The following LRIG1 variants were observed in gnomAD, a reference collection of about 807,000 sequenced individuals.
LRIG1 encodes leucine-rich repeats and immunoglobulin-like domains protein 1.
In LRIG1, 48 loss-of-function variants were observed where a neutral mutation model predicts 99.2. That is an observed-to-expected ratio of 0.48 (90% CI 0.38 to 0.62). The LOEUF (loss-of-function observed/expected upper bound fraction) is 0.62, where lower values mean the gene tolerates loss of function less well. Ranked by LOEUF, LRIG1 falls within the 20% of genes least tolerant of loss-of-function variation. LRIG1 has a pLI of 0.00. For synonymous variants in LRIG1, 772 were observed against 596.1 expected (o/e 1.29, Z -4.30); for missense variants, 1,646 against 1,434.4 (o/e 1.15, Z -2.38).
intron 1 of LRIG1, among the ~76,000 whole-genome samples, chr3:66,474,672 C>T (rs1700678505): frequency 6.6e-6 from 1 of 152,146 alleles, no homozygotes; most frequent in African/African-American, 2.4e-5. Context: ...TGGCTGGGTG[C>T]ATCACCCCAC....
intron 3 of LRIG1, among the ~76,000 whole-genome samples, chr3:66,434,701 C>T (rs1023671851): frequency 6.7e-6 from 1 of 149,822 alleles, no homozygotes; most frequent in Admixed American, 6.7e-5. Context: ...GAGCAGAAAT[C>T]ATGCCACTGC....
intron 1 of LRIG1, 96 bp downstream of exon 1, chr3:66,500,094 C>T: frequency 4.2e-6 from 4 of 957,346 alleles, no homozygotes; most frequent in Non-Finnish European, 6.1e-6. Context: ...ACACACAACC[C>T]AGTCCGCACC....
chr3:66,443,810 T>C (rs987685340), intron 3 of LRIG1, among the ~76,000 whole-genome samples: 2 of 152,342 alleles, frequency 1.3e-5, no homozygotes, highest in Non-Finnish European at 2.9e-5. Context: ...GTCTCCACCA[T>C]GAACCAGCTG....
intron 3 of LRIG1, among the ~76,000 whole-genome samples, chr3:66,443,359 TGAGTGAGGGG>T (rs1272108276): frequency 1.7e-5 from 2 of 117,434 alleles, no homozygotes; most frequent in African/African-American, 3.2e-5. Flanking sequence ...GGGCGGGGGA[TGAGTGAGGGG>T]GTGTGTGTGT....
intron 12 of LRIG1, among the ~76,000 whole-genome samples, chr3:66,392,054 A>C (rs542048298): frequency 1.2e-4 from 18 of 152,286 alleles, no homozygotes; most frequent in African/African-American, 4.3e-4. Context: ...GAATCATATA[A>C]TCTAATGGTC....
At chr3:66,455,892 A>C (rs1208086096) in intron 2 of LRIG1, among the ~76,000 whole-genome samples, 1 of 152,250 alleles carries the variant, frequency 6.6e-6, no homozygotes. Flanking sequence ...AAAATAAACA[A>C]TAATAAAGGT....
intron 3 of LRIG1, among the ~76,000 whole-genome samples, chr3:66,433,074 C>G (rs1424719532): frequency 6.6e-6 from 1 of 152,176 alleles, no homozygotes; most frequent in Non-Finnish European, 1.5e-5. Flanking sequence ...CCATCCTAAA[C>G]AGGTGGGTGA....
intron 1 of LRIG1, among the ~76,000 whole-genome samples, chr3:66,475,924 C>T (rs1301244304): frequency 1.3e-5 from 2 of 152,154 alleles, no homozygotes; most frequent in East Asian, 3.9e-4. Context: ...TCACGTAATT[C>T]GCCACTACAA....
chr3:66,399,052 C>A lies in LRIG1; in HGVS notation c.1161-11G>T. 6.2e-7 allele frequency: 1 copy of A among 1,611,630 alleles called. No individual in the cohort carries two copies. Among genetic ancestry groups the A allele is most frequent in the Non-Finnish European group, 8.5e-7 (1 of 1,177,890 alleles). On this transcript the variant is annotated splice_polypyrimidine_tract_variant and intron_variant, in intron 9 of 18. Transcript: ENST00000273261. ...TTTCCAAACAGAGTCCTGTAGTTTC[C>A]AAACATCCAGAAATTAAGGCCAGGG...
Position 66,381,588 on chromosome 3 carries a change from A to G in LRIG1, c.2661T>C (p.Thr887=). The change falls in exon 17 of 19, where the codon ACT becomes ACC. Residue 887 remains threonine (T), a synonymous_variant. Transcript: ENST00000273261. ...RDASHFPEPD[T]HSVACRQPKL... Reference sequence around the variant, plus strand: ...TTGGCTGCCTGCAGGCAACGCTGTGAGTGTCGGGCTCTGGAAAGTGGCTTG... The same window carrying G: ...TTGGCTGCCTGCAGGCAACGCTGTGGGTGTCGGGCTCTGGAAAGTGGCTTG... The G allele has an allele frequency of 6.2e-7, 1 of 1,614,034 alleles. No homozygotes were observed. The highest frequency in any genetic ancestry group is 1.1e-5 in the South Asian group (1 of 91,080).
intron 11 of LRIG1, among the ~76,000 whole-genome samples, chr3:66,395,127 T>TA (rs1701795399): frequency 6.6e-6 from 1 of 152,124 alleles, no homozygotes; most frequent in Non-Finnish European, 1.5e-5. Context: ...AGCTGTGAGC[T>TA]AAAGAATGAT....
intron 3 of LRIG1, among the ~76,000 whole-genome samples, chr3:66,450,131 A>T (rs1703854141): frequency 6.6e-6 from 1 of 152,168 alleles, no homozygotes; most frequent in Non-Finnish European, 1.5e-5. Flanking sequence ...GGGCCCACAA[A>T]CCAAGTGGGT....
chr3:66,383,646 G>A (rs917486085), intron 14 of LRIG1, among the ~76,000 whole-genome samples: 2 of 152,084 alleles, frequency 1.3e-5, no homozygotes, highest in Non-Finnish European at 2.9e-5. Context: ...TAACTGTCCT[G>A]TGTCAGGCCT....
intron 9 of LRIG1, 124 bp downstream of exon 9, chr3:66,405,073 AC>A: frequency 1.3e-6 from 1 of 793,110 alleles, no homozygotes; most frequent in Middle Eastern, 3.6e-4. Flanking sequence ...TCTGCCCCAA[AC>A]AAAAGCCAGC....
intron 1 of LRIG1, among the ~76,000 whole-genome samples, chr3:66,488,691 C>G (rs1701031341): frequency 6.6e-6 from 1 of 152,106 alleles, no homozygotes; most frequent in African/African-American, 2.4e-5. Context: ...GAGTTTCTAT[C>G]TTGAAAGGGA....
At chr3:66,382,896 C>CA in intron 15 of LRIG1, 86 bp downstream of exon 15, 3 of 1,304,338 alleles carry the variant, frequency 2.3e-6, no homozygotes, top group South Asian at 2.9e-5. Context: ...GCAATTCTTT[C>CA]AAAAGCCACT....
chr3:66,475,083 C>T (rs1251528350), intron 1 of LRIG1, among the ~76,000 whole-genome samples: 1 of 152,198 alleles, frequency 6.6e-6, no homozygotes, highest in Non-Finnish European at 1.5e-5. Context: ...TTGAGACATC[C>T]ACAAGATCAG....
intron 9 of LRIG1, among the ~76,000 whole-genome samples, chr3:66,404,805 A>C (rs1022986064): frequency 7.2e-5 from 11 of 152,304 alleles, no homozygotes; most frequent in African/African-American, 2.4e-4. Context: ...GAAAGTACTG[A>C]CAGGAGCCCC....
At chr3:66,452,064 T>C (rs1234719610) in intron 2 of LRIG1, among the ~76,000 whole-genome samples, 1 of 152,164 alleles carries the variant, frequency 6.6e-6, no homozygotes, top group East Asian at 1.9e-4. Flanking sequence ...CTGGCTCACA[T>C]GGAGTTCTGA....
Sources: allele counts gnomAD v4.1 joint callset (sites outside exome capture counted in the v4.1 genomes callset), GRCh38; gene constraint gnomAD v4.1.1; transcripts MANE v1.5; gene names NCBI Gene and HGNC (gene_info 2026-07-23, HGNC 2026-07-21).